ACYP2: variants seen among roughly 807,000 people sequenced by gnomAD.
ACYP2 encodes acylphosphatase-2.
Under a neutral mutation model 11.2 loss-of-function variants are expected in ACYP2, and 12 were observed. The ratio of observed to expected loss-of-function variants is 1.08; its 90% CI spans 0.69 to 1.74. ACYP2 has a LOEUF of 1.74. ACYP2 is among the 40% of genes most tolerant of loss of function. The pLI, the probability that ACYP2 is intolerant of heterozygous loss-of-function variation, is 0.00. For missense variants in ACYP2, 134 were observed against 101.9 expected (o/e 1.31, Z -1.35); for synonymous variants, 43 against 32.2 (o/e 1.33, Z -1.13).
intron 6 of ACYP2, among the ~76,000 whole-genome samples, chr2:54,189,744 A>C (rs1180354465): frequency 6.6e-6 from 1 of 152,192 alleles, no homozygotes; most frequent in Admixed American, 6.5e-5. Context: ...TTGCTGGGTC[A>C]TATGACAGTA....
rs868161169 is a variant in ACYP2, at chr2:54,201,698, C to A, written c.404+62950C>A. 5.7e-4 allele frequency among the ~76,000 whole-genome samples: 79 copies of A among 138,792 alleles called. No individual in the cohort carries two copies. In the Middle Eastern group the frequency reaches 0.018, roughly 31 times the overall value. The allele number at this position is 138,792 out of a possible 152,430, so 91.1% of individuals were successfully genotyped here. Reference sequence around the variant, plus strand: ...TCTTTCTTTCTCTCTCTCTCTCTCTCTTTTTTCTTTTCTTTTCTTTCTTCT... The same window carrying A: ...TCTTTCTTTCTCTCTCTCTCTCTCTATTTTTTCTTTTCTTTTCTTTCTTCT... On this transcript the variant is annotated intron_variant, in intron 6 of 6. Transcript: ENST00000607452.
chr2:54,188,172 A>G (rs1000317126), intron 6 of ACYP2, among the ~76,000 whole-genome samples: 1 of 152,140 alleles, frequency 6.6e-6, no homozygotes, highest in Admixed American at 6.5e-5. Flanking sequence ...ATCCTGGGGG[A>G]AAAGGAGTGG....
chr2:54,078,136 G>A (rs930628092), intron 4 of ACYP2, among the ~76,000 whole-genome samples: 3 of 151,914 alleles, frequency 2.0e-5, no homozygotes, highest in Admixed American at 2.0e-4. Flanking sequence ...TAGTAGACAT[G>A]GGGTTTCACC....
chr2:54,267,725 G>A (rs1017666560), intron 6 of ACYP2, among the ~76,000 whole-genome samples: 4 of 152,166 alleles, frequency 2.6e-5, no homozygotes, highest in African/African-American at 4.8e-5. Context: ...CCACTTGTGG[G>A]TTACAATGGT....
chr2:54,181,624 T>C (rs557685916), intron 6 of ACYP2, among the ~76,000 whole-genome samples: 174 of 152,328 alleles, frequency 1.1e-3, no homozygotes, highest in South Asian at 2.1e-3. Flanking sequence ...TTTCCAATGA[T>C]ATAATTTTAA....
intron 6 of ACYP2, among the ~76,000 whole-genome samples, chr2:54,291,729 T>G (rs1269863729): frequency 6.6e-6 from 1 of 152,228 alleles, no homozygotes; most frequent in East Asian, 1.9e-4. Context: ...ACAATTCTGG[T>G]GGTGCCTTCC....
At chr2:54,291,918 TCTAATTCTATAGGGGTATGCA>T (rs1257310300) in intron 6 of ACYP2, among the ~76,000 whole-genome samples, 1 of 152,248 alleles carries the variant, frequency 6.6e-6, no homozygotes, top group East Asian at 1.9e-4. Flanking sequence ...TTAGGAATTT[TCTAATTCTATAGGGGTATGCA>T]CTGGTGACTT....
At chr2:53,994,512 CAGAAAAAAAAAA>C (rs1311594857) in intron 2 of ACYP2, among the ~76,000 whole-genome samples, 439 of 30,526 alleles carry the variant, frequency 0.014, 3 homozygotes, top group Admixed American at 0.039. Flanking sequence ...GAGTAAGACT[CAGAAAAAAAAAA>C]AAAAAAAAGA....
At chr2:54,236,104 T>A (rs1274871171) in intron 6 of ACYP2, among the ~76,000 whole-genome samples, 1 of 152,080 alleles carries the variant, frequency 6.6e-6, no homozygotes, top group Non-Finnish European at 1.5e-5. Flanking sequence ...TTTTTTTTGT[T>A]TGTTTTTTGT....
chr2:53,977,485 A>T (rs531208631), intron 2 of ACYP2, among the ~76,000 whole-genome samples: 20 of 152,068 alleles, frequency 1.3e-4, no homozygotes, highest in Non-Finnish European at 2.6e-4. Context: ...CTGTAATCCC[A>T]GCACTTTGGG....
chr2:54,297,057 G>A (rs1484655031), intron 6 of ACYP2, among the ~76,000 whole-genome samples: 1 of 151,568 alleles, frequency 6.6e-6, no homozygotes, highest in African/African-American at 2.4e-5. Flanking sequence ...AAATATGCTG[G>A]AACCAGAGCA....
Position 53,984,351 on chromosome 2 carries a change from G to A in ACYP2, c.62+10541G>A, listed in dbSNP as rs148279152. Among the ~76,000 whole-genome samples the A allele has an allele frequency of 2.9e-3, 448 of 152,084 alleles. 3 individuals carry two copies. Among genetic ancestry groups the A allele is most frequent in the African/African-American group, 0.01 (421 of 41,486 alleles). ...CCAGCACTTTGGGAGGCCGAGGCAG[G>A]TGCATCACCTGAGGTCAGAAGTTTG... On this transcript the variant is annotated intron_variant, in intron 2 of 6. Transcript: ENST00000607452.
intron 4 of ACYP2, among the ~76,000 whole-genome samples, chr2:54,063,528 C>T (rs1186542840): frequency 1.3e-5 from 2 of 152,192 alleles, no homozygotes; most frequent in African/African-American, 4.8e-5. Flanking sequence ...CAGCAGGAGA[C>T]TGGGTGGTGG....
intron 6 of ACYP2, among the ~76,000 whole-genome samples, chr2:54,140,745 C>T (rs1681557652): frequency 6.6e-6 from 1 of 152,048 alleles, no homozygotes; most frequent in South Asian, 2.1e-4. Flanking sequence ...TTTATTATTA[C>T]CTTATTGCTG....
intron 6 of ACYP2, chr2:54,142,717 T>C (rs1464142848): frequency 2.6e-5 from 4 of 151,870 alleles, no homozygotes; most frequent in Admixed American, 2.6e-4. Context: ...GAGTAGCCTG[T>C]CCCAAAAAAA....
At chr2:54,033,045 T>C (rs908416218) in intron 2 of ACYP2, among the ~76,000 whole-genome samples, 1 of 152,096 alleles carries the variant, frequency 6.6e-6, no homozygotes, top group Non-Finnish European at 1.5e-5. Context: ...TTAGGCAGTT[T>C]ATGAGGATTA....
At chr2:54,083,266 T>A (rs755871211) in intron 4 of ACYP2, among the ~76,000 whole-genome samples, 6 of 152,130 alleles carry the variant, frequency 3.9e-5, no homozygotes, top group Non-Finnish European at 7.4e-5. Context: ...GATGTCTCTC[T>A]TGAGGGCTAA....
intron 6 of ACYP2, among the ~76,000 whole-genome samples, chr2:54,293,854 A>G (rs1011998102): frequency 1.2e-4 from 18 of 152,246 alleles, no homozygotes; most frequent in Admixed American, 8.5e-4. Flanking sequence ...ACATTAAAAC[A>G]TTTGATAATA....
intron 6 of ACYP2, among the ~76,000 whole-genome samples, chr2:54,288,300 C>G (rs1689164005): frequency 6.6e-6 from 1 of 151,954 alleles, no homozygotes; most frequent in Admixed American, 6.6e-5. Context: ...CATATAGGAA[C>G]AGAGCAACTA....
Sources: gnomAD v4.1 joint callset for allele counts (sites outside exome capture counted in the v4.1 genomes callset) on GRCh38, gnomAD v4.1.1 for gene constraint, MANE v1.5 for transcripts, NCBI Gene and HGNC (gene_info 2026-07-23, HGNC 2026-07-21) for gene names.